The following SEC24A variants were observed in gnomAD, a reference collection of about 807,000 sequenced individuals.
SEC24A encodes protein transport protein Sec24A.
A neutral mutation model predicts 129.4 loss-of-function variants in SEC24A; 93 were observed. The observed-to-expected ratio is 0.72, with a 90% CI of 0.61 to 0.85. The LOEUF is 0.85. SEC24A is among the 40% of genes least tolerant of loss of function. SEC24A has a pLI of 0.00. For synonymous variants in SEC24A, 460 were observed against 467.3 expected, an observed-to-expected ratio of 0.98 and a Z score of 0.20; for missense variants, 1,264 against 1,307.4, an observed-to-expected ratio of 0.97 and a Z score of 0.51.
In SEC24A at chr5:134,663,287, A is replaced by G. The variant is rs1434428677; in HGVS notation, c.565+1701A>G. 4.6e-5 allele frequency among the ~76,000 whole-genome samples: 7 copies of G among 152,100 alleles called. No homozygotes were observed. The East Asian group carries it at 7.7e-4, about 17-fold the overall frequency. ...GGTCTTACCCTGTCGCCCAGGGTAG[A>G]GTAGGGTAACACGATCATAGCTCAC... On this transcript the variant is annotated intron_variant, in intron 2 of 22. Coordinates refer to ENST00000398844, the MANE Select transcript of SEC24A (RefSeq NM_021982.3).
intron 14 of SEC24A, 49 bp downstream of exon 14, chr5:134,697,295 T>C (rs757215042): frequency 2.8e-5 from 42 of 1,494,266 alleles, no homozygotes; most frequent in Non-Finnish European, 3.4e-5. Context: ...AATATCAAAA[T>C]GGTCCTTATA....
At chr5:134,696,702 G>C (rs568719583) in intron 13 of SEC24A, among the ~76,000 whole-genome samples, 9 of 152,026 alleles carry the variant, frequency 5.9e-5, no homozygotes, top group Admixed American at 1.3e-4. Context: ...GTTTCACCAT[G>C]TTAGCCAGGA....
chr5:134,658,095 C>A (rs1180573377), intron 1 of SEC24A, among the ~76,000 whole-genome samples: 1 of 152,074 alleles, frequency 6.6e-6, no homozygotes, highest in Non-Finnish European at 1.5e-5. Flanking sequence ...ATGGTGAAAT[C>A]CCGTCTCTAC....
Position 134,697,183 on chromosome 5 carries a change from G to C in SEC24A, c.2044G>C (p.Gly682Arg). Residue 682 changes from glycine to arginine, a missense_variant, in exon 14 of 23, where the codon GGT becomes CGT. Transcript: ENST00000398844. ...TAAGAAATTAGCCTTGGACTGTTCT[G>C]GTCAGCAAGTTGCTGTTGACTTATT... ...FYKKLALDCSGQQVAVDLFLL... is the reference protein window; with the variant it reads ...FYKKLALDCSRQQVAVDLFLL... The C allele has an allele frequency of 6.2e-7, 1 of 1,601,976 alleles. No homozygotes were observed. The highest frequency in any genetic ancestry group is 1.7e-4 in the Middle Eastern group (1 of 6,018).
intron 11 of SEC24A, among the ~76,000 whole-genome samples, chr5:134,690,417 G>A (rs904196477): frequency 3.9e-5 from 6 of 152,070 alleles, no homozygotes; most frequent in Non-Finnish European, 5.9e-5. Context: ...GGGCTCAAGC[G>A]ATCCTTCCAC....
chr5:134,708,975 G>A (rs183270121), intron 18 of SEC24A, 87 bp downstream of exon 18: 92 of 1,299,858 alleles, frequency 7.1e-5, no homozygotes, highest in Non-Finnish European at 8.8e-5. Context: ...GGTGGCTGAC[G>A]TGGGTGGATT....
At chr5:134,662,232 G>A (rs1750494071) in intron 2 of SEC24A, among the ~76,000 whole-genome samples, 1 of 151,974 alleles carries the variant, frequency 6.6e-6, no homozygotes, top group Admixed American at 6.6e-5. Flanking sequence ...TTGGCTCACT[G>A]CAAGCTCTGC....
Position 134,676,059 on chromosome 5 carries a change from G to T in SEC24A, c.1188G>T (p.Thr396=), listed in dbSNP as rs750256210. 3.7e-6 allele frequency: 6 copies of T among 1,612,822 alleles called. No homozygotes were observed. The South Asian group carries it at 4.4e-5, about 12-fold the overall frequency. Residue 396 remains threonine (T), a synonymous_variant, in exon 7 of 23, where the codon ACG becomes ACT. Transcript: ENST00000398844. ...FRCTLTSIPQ[T]QALLNKAKLP... ...GCACGCTGACTAGCATTCCTCAGAC[G>T]CAGGCCTTATTGAATAAAGCCAAAC... is the stretch of plus-strand genomic sequence containing the variant.
intron 18 of SEC24A, among the ~76,000 whole-genome samples, chr5:134,713,874 CAAAAAA>C (rs151183691): frequency 2.1e-5 from 2 of 94,892 alleles, no homozygotes; most frequent in African/African-American, 7.7e-5. Flanking sequence ...ACTAAAAATA[CAAAAAA>C]AAAAAAAAAA....
chr5:134,686,557 C>G (rs1309396784), intron 9 of SEC24A, among the ~76,000 whole-genome samples: 1 of 152,186 alleles, frequency 6.6e-6, no homozygotes, highest in Non-Finnish European at 1.5e-5. Flanking sequence ...CTGATTACAT[C>G]TCTTCCCCTT....
At chr5:134,650,431 G>C (rs533451204) in intron 1 of SEC24A, among the ~76,000 whole-genome samples, 2 of 152,164 alleles carry the variant, frequency 1.3e-5, no homozygotes, top group African/African-American at 4.8e-5. Flanking sequence ...GAGTGTAGTT[G>C]TCATAATATT....
intron 7 of SEC24A, among the ~76,000 whole-genome samples, chr5:134,676,332 G>T (rs553601688): frequency 6.6e-6 from 1 of 151,224 alleles, no homozygotes; most frequent in Non-Finnish European, 1.5e-5. Flanking sequence ...TAGAGAGGGG[G>T]TTTCACCATC....
At chr5:134,701,477 A>T (rs928309809) in intron 15 of SEC24A, among the ~76,000 whole-genome samples, 1 of 150,644 alleles carries the variant, frequency 6.6e-6, no homozygotes, top group Non-Finnish European at 1.5e-5. Flanking sequence ...TTTTGCATAA[A>T]CAGCTTTGGG....
intron 11 of SEC24A, among the ~76,000 whole-genome samples, chr5:134,689,304 A>G (rs1475821300): frequency 1.3e-5 from 2 of 152,182 alleles, no homozygotes; most frequent in East Asian, 1.9e-4. Flanking sequence ...CACATTATGT[A>G]GCAATTCCAC....
chr5:134,690,622 A>T (rs1204056126), intron 11 of SEC24A, among the ~76,000 whole-genome samples: 3 of 152,074 alleles, frequency 2.0e-5, no homozygotes, highest in African/African-American at 7.2e-5. Flanking sequence ...GCCAGGCCTT[A>T]TTTTTTTGTA....
intron 9 of SEC24A, 22 bp downstream of exon 9, chr5:134,682,504 C>G: frequency 8.4e-7 from 1 of 1,184,620 alleles, no homozygotes; most frequent in Non-Finnish European, 1.2e-6. Context: ...TTTTTTGATA[C>G]AGTATACCCA....
rs765815847 is a variant in SEC24A at position 134,719,939 on chromosome 5, C to T, written c.2971-1059C>T. On this transcript the variant is annotated intron_variant, in intron 20 of 22. Transcript: ENST00000398844. The stretch of plus-strand genomic sequence containing the variant: ...GGTGGAGGTTGTGGTGAGCCAAGAT[C>T]GTGCCATTGCACTCCAGCCTGGGCA... Among the ~76,000 whole-genome samples, 4 of 152,086 alleles carry T rather than the reference C, an allele frequency of 2.6e-5. No individual in the cohort carries two copies. The South Asian group carries it at 8.3e-4, about 32-fold the overall frequency.
At chr5:134,652,480 T>G (rs1471206108) in intron 1 of SEC24A, among the ~76,000 whole-genome samples, 1 of 151,210 alleles carries the variant, frequency 6.6e-6, no homozygotes, top group African/African-American at 2.4e-5. Context: ...GAGACGGGGT[T>G]TCGCCACGTT....
intron 13 of SEC24A, 45 bp from the exon 14 acceptor site, chr5:134,697,081 T>C (rs1283277888): frequency 8.8e-7 from 1 of 1,142,344 alleles, no homozygotes; most frequent in Admixed American, 2.0e-5. Flanking sequence ...TTTATGACAA[T>C]GTAATGATTT....
Sources: allele counts gnomAD v4.1 joint callset (sites outside exome capture counted in the v4.1 genomes callset), GRCh38; gene constraint gnomAD v4.1.1; transcripts MANE v1.5; gene names NCBI Gene and HGNC (gene_info 2026-07-23, HGNC 2026-07-21).